The following PRMT8 variants were observed in gnomAD, a reference collection of about 807,000 sequenced individuals.
PRMT8 encodes protein arginine N-methyltransferase 8.
Under a neutral mutation model 47.1 loss-of-function variants are expected in PRMT8, and 7 were observed. That is an observed-to-expected ratio of 0.15 (90% CI 0.08 to 0.28). The LOEUF is 0.28. Ranked by LOEUF, PRMT8 falls within the 10% of genes least tolerant of loss-of-function variation. The pLI, the probability that PRMT8 is intolerant of heterozygous loss-of-function variation, is 1.00. For missense variants in PRMT8, 237 were observed against 505.4 expected (o/e 0.47, Z 5.09); for synonymous variants, 188 against 186.5 (o/e 1.01, Z -0.07).
chr12:3,513,694 A>AAAAG (rs1265950307), intron 1 of PRMT8, among the ~76,000 whole-genome samples: 1 of 152,204 alleles, frequency 6.6e-6, no homozygotes, highest in Non-Finnish European at 1.5e-5. Flanking sequence ...TTGGAAAGCC[A>AAAAG]GCTATGTGGT....
intron 1 of PRMT8, among the ~76,000 whole-genome samples, chr12:3,439,253 G>T (rs1461863713): frequency 6.6e-6 from 1 of 152,032 alleles, no homozygotes; most frequent in Non-Finnish European, 1.5e-5. Context: ...ACTTGAATAA[G>T]TCTTGAATTC....
At chr12:3,395,675 A>G (rs1329211061) in intron 1 of PRMT8, among the ~76,000 whole-genome samples, 2 of 148,138 alleles carry the variant, frequency 1.4e-5, no homozygotes, top group African/African-American at 4.9e-5. Context: ...GTGCTGAAAA[A>G]AATGTATATT....
At chr12:3,399,840 G>A (rs1160329794) in intron 1 of PRMT8, among the ~76,000 whole-genome samples, 1 of 152,186 alleles carries the variant, frequency 6.6e-6, no homozygotes, top group African/African-American at 2.4e-5. Context: ...TTGGGGAAGG[G>A]CATAGGCTAG....
chr12:3,533,747 C>A (rs1318115763), intron 1 of PRMT8, among the ~76,000 whole-genome samples: 2 of 152,248 alleles, frequency 1.3e-5, no homozygotes, highest in African/African-American at 4.8e-5. Context: ...CAAAGGCAGG[C>A]AATAAAGCTG....
chr12:3,467,829 GAAGGGACCTC>G (rs1865118980), intron 1 of PRMT8, among the ~76,000 whole-genome samples: 1 of 152,226 alleles, frequency 6.6e-6, no homozygotes, highest in Admixed American at 6.5e-5. Flanking sequence ...GAAGCGAAGC[GAAGGGACCTC>G]AAGGGAACAT....
At chr12:3,381,676 C>G (rs1591533851) in intron 1 of PRMT8, among the ~76,000 whole-genome samples, 1 of 152,196 alleles carries the variant, frequency 6.6e-6, no homozygotes. Flanking sequence ...TTTGAGATAA[C>G]TGTGGTTTCA....
intron 1 of PRMT8, among the ~76,000 whole-genome samples, chr12:3,485,091 A>G (rs1300391814): frequency 6.6e-6 from 1 of 152,164 alleles, no homozygotes; most frequent in Non-Finnish European, 1.5e-5. Flanking sequence ...GATGCCAATT[A>G]AGAAAATCTT....
chr12:3,441,301 A>G (rs1864799210), intron 1 of PRMT8, among the ~76,000 whole-genome samples: 1 of 152,210 alleles, frequency 6.6e-6, no homozygotes, highest in Admixed American at 6.5e-5. Context: ...TGAATGTATT[A>G]GTAAGTACAT....
intron 4 of PRMT8, among the ~76,000 whole-genome samples, chr12:3,559,906 G>A (rs918520103): frequency 6.6e-6 from 1 of 152,204 alleles, no homozygotes; most frequent in African/African-American, 2.4e-5. Context: ...TATGCTCTGG[G>A]TTTTGATGGC....
intron 1 of PRMT8, among the ~76,000 whole-genome samples, chr12:3,397,768 A>C (rs1591538127): frequency 6.6e-6 from 1 of 151,776 alleles, no homozygotes; most frequent in Admixed American, 6.6e-5. Context: ...TGCTTTGTTT[A>C]CCTCAGCAAG....
rs117347766 is a variant in PRMT8 at position 3,514,406 on chromosome 12, G to T, written c.75+22706G>T. Among the ~76,000 whole-genome samples the T allele has an allele frequency of 9.1e-3, 1,383 of 152,194 alleles. 10 individuals carry two copies. Among genetic ancestry groups the T allele is most frequent in the Admixed American group, 0.015 (227 of 15,296 alleles). On this transcript the variant is annotated intron_variant, in intron 1 of 9. Transcript: ENST00000382622. This position sits in a 1 kb window ranked among gnomAD's most constrained non-coding sequence, Gnocchi z 5.9. The stretch of plus-strand genomic sequence containing the variant: ...CTGTTGGGGTGTGGCTGGCATTCGG[G>T]CTGCAAGACGTGGTTTAGAGAGGGG...
chr12:3,573,837 C>T (rs1866892853), intron 6 of PRMT8: 1 of 152,174 alleles, frequency 6.6e-6, no homozygotes, highest in South Asian at 2.1e-4. Context: ...TGACCAATGG[C>T]TCTTACCCCA....
intron 2 of PRMT8, among the ~76,000 whole-genome samples, chr12:3,543,890 C>G (rs1866279581): frequency 6.6e-6 from 1 of 152,176 alleles, no homozygotes; most frequent in Non-Finnish European, 1.5e-5. Flanking sequence ...CTCCCAGACC[C>G]CAGCTCTGAA....
chr12:3,586,403 A>G (rs1182693485), intron 8 of PRMT8, among the ~76,000 whole-genome samples: 1 of 152,110 alleles, frequency 6.6e-6, no homozygotes, highest in Non-Finnish European at 1.5e-5. Context: ...AAGGATCTAA[A>G]CCCAGTTGTG....
chr12:3,560,362 G>T (rs1866613647), intron 4 of PRMT8, among the ~76,000 whole-genome samples: 2 of 152,346 alleles, frequency 1.3e-5, no homozygotes, highest in Admixed American at 6.5e-5. Context: ...CAGCTCCCGT[G>T]ATGGAGTTAT....
intron 1 of PRMT8, among the ~76,000 whole-genome samples, chr12:3,513,863 A>G (rs1035795225): frequency 6.6e-6 from 1 of 152,220 alleles, no homozygotes; most frequent in African/African-American, 2.4e-5. Context: ...TCCATTCCCT[A>G]CAGTATGTTA....
intron 1 of PRMT8, among the ~76,000 whole-genome samples, chr12:3,395,598 C>G (rs1864241308): frequency 6.7e-6 from 1 of 150,094 alleles, no homozygotes; most frequent in Non-Finnish European, 1.5e-5. Context: ...AATTTCTGTT[C>G]TTTTACATTT....
chr12:3,590,927 T>C (rs1867285912), intron 8 of PRMT8, among the ~76,000 whole-genome samples: 1 of 152,092 alleles, frequency 6.6e-6, no homozygotes, highest in Non-Finnish European at 1.5e-5. Context: ...CCATGGAGGA[T>C]GCAGACAAAC....
intron 1 of PRMT8, among the ~76,000 whole-genome samples, chr12:3,539,218 A>G (rs1043311789): frequency 1.3e-5 from 2 of 152,200 alleles, no homozygotes; most frequent in African/African-American, 2.4e-5. Context: ...GTCTTTCCAT[A>G]TATCAACTCC....
Sources: gnomAD v4.1 joint callset for allele counts (sites outside exome capture counted in the v4.1 genomes callset) on GRCh38, gnomAD v4.1.1 for gene constraint, Gnocchi (gnomAD v3.1) non-coding constraint, MANE v1.5 for transcripts, NCBI Gene and HGNC (gene_info 2026-07-23, HGNC 2026-07-21) for gene names.